The following ERICH6 variants were observed in gnomAD, a reference collection of about 807,000 sequenced individuals.
The protein encoded by ERICH6 is glutamate-rich protein 6.
ERICH6 carries 71 observed loss-of-function variants against 71.0 expected under a neutral mutation model. That is an observed-to-expected ratio of 1.00 (90% confidence interval 0.83 to 1.22). The LOEUF (loss-of-function observed/expected upper bound fraction) is 1.22. Ranked by LOEUF, ERICH6 falls within the 50% of genes most tolerant of loss-of-function variation. ERICH6 has a pLI of 0.00. For missense variants in ERICH6, 808 were observed against 797.2 expected, an observed-to-expected ratio of 1.01 and a Z score of -0.16; for synonymous variants, 262 against 278.4, an observed-to-expected ratio of 0.94 and a Z score of 0.59.
intron 6 of ERICH6, among the ~76,000 whole-genome samples, chr3:150,684,864 G>A (rs1197501137): frequency 6.6e-6 from 1 of 151,560 alleles, no homozygotes; most frequent in Non-Finnish European, 1.5e-5. Flanking sequence ...AAATTATCTA[G>A]GCATAGTGGT....
chr3:150,679,439 C>T (rs1424640915), intron 9 of ERICH6, among the ~76,000 whole-genome samples: 1 of 152,096 alleles, frequency 6.6e-6, no homozygotes, highest in African/African-American at 2.4e-5. Context: ...CATAGCTTAG[C>T]TCCCATCTAA....
chr3:150,667,481 T>C (rs1416018807), intron 12 of ERICH6, among the ~76,000 whole-genome samples: 1 of 152,156 alleles, frequency 6.6e-6, no homozygotes, highest in Non-Finnish European at 1.5e-5. Flanking sequence ...CTAGGAGTCC[T>C]TCCAGGAGTC....
Position 150,703,674 on chromosome 3 carries a change from T to C in ERICH6, c.225A>G (p.Glu75=), listed in dbSNP as rs1713034642. The C allele has an allele frequency of 1.9e-6, 3 of 1,613,020 alleles. No individual in the cohort carries two copies. The change falls in exon 1 of 14, where the codon GAA becomes GAG. Residue 75 remains glutamate, a synonymous_variant. Coordinates refer to ENST00000295910, the MANE Select transcript of ERICH6 (RefSeq NM_152394.5). The stretch of plus-strand genomic sequence containing the variant: ...TGTCCGTGACCTTCCAGAGGTACTC[T>C]TCGCTGAACGTCTCAGGGGCCTCCA... ...QELEAPETFS[E]EYLWKVTDIG... is the part of the protein sequence containing the mutation.
At chr3:150,677,627 G>T (rs1403812735) in intron 10 of ERICH6, among the ~76,000 whole-genome samples, 6 of 151,896 alleles carry the variant, frequency 4.0e-5, no homozygotes, top group African/African-American at 1.5e-4. Context: ...CCCCCAAGTG[G>T]CTGGGACTAC....
intron 12 of ERICH6, 120 bp from the exon 13 acceptor site, chr3:150,667,135 G>T: frequency 1.1e-6 from 1 of 869,804 alleles, no homozygotes; most frequent in Non-Finnish European, 1.8e-6. Context: ...AGCAGGAGTG[G>T]TGGAAACTTC....
rs1159706859 is a variant in ERICH6, at chr3:150,666,862, T to C, written c.1653A>G (p.Leu551=). ...ALNRYIGVRI[L]EQDKISITFL... ...AAGTTATAGAAATCTTGTCTTGTTC[T>C]AAGATGCGGACTCCAATATAACGGT... Residue 551 remains leucine, a synonymous_variant, in exon 13 of 14, where the codon TTA becomes TTG. Transcript: ENST00000295910. The C allele has an allele frequency of 1.9e-6, 3 of 1,614,078 alleles. No homozygotes were observed. Among genetic ancestry groups the C allele is most frequent in the African/African-American group, 2.7e-5 (2 of 74,932 alleles).
chr3:150,696,488 A>T (rs1407844055), intron 3 of ERICH6, among the ~76,000 whole-genome samples: 1 of 152,176 alleles, frequency 6.6e-6, no homozygotes, highest in African/African-American at 2.4e-5. Context: ...AAGCAAATGT[A>T]AAAGACAAAC....
chr3:150,670,926 G>C (rs887817012), intron 11 of ERICH6, among the ~76,000 whole-genome samples: 1 of 152,128 alleles, frequency 6.6e-6, no homozygotes, highest in African/African-American at 2.4e-5. Context: ...GAGGAATAAA[G>C]TCAGGGCATG....
intron 13 of ERICH6, among the ~76,000 whole-genome samples, chr3:150,662,844 G>A (rs1727272934): frequency 6.6e-6 from 1 of 152,024 alleles, no homozygotes; most frequent in African/African-American, 2.4e-5. Context: ...AAGGAAGTGA[G>A]GGAACAGCCA....
chr3:150,661,164 G>C (rs900003861), intron 13 of ERICH6, among the ~76,000 whole-genome samples: 1 of 152,134 alleles, frequency 6.6e-6, no homozygotes, highest in Non-Finnish European at 1.5e-5. Flanking sequence ...AAGCAGATGA[G>C]ACCATATGCA....
chr3:150,689,069 G>T (rs918631707), intron 3 of ERICH6, among the ~76,000 whole-genome samples: 2 of 152,156 alleles, frequency 1.3e-5, no homozygotes, highest in African/African-American at 4.8e-5. Context: ...CTTGGTACTA[G>T]CTTGAGCTAT....
At chr3:150,702,817 A>AG (rs746597542) in intron 1 of ERICH6, among the ~76,000 whole-genome samples, 170 of 116,192 alleles carry the variant, frequency 1.5e-3, no homozygotes, top group East Asian at 6.5e-3. Flanking sequence ...CACAAAAGAG[A>AG]GTTGTTTTTT....
chr3:150,687,811 C>CAGAT (rs1712259815), intron 3 of ERICH6, among the ~76,000 whole-genome samples: 1 of 152,182 alleles, frequency 6.6e-6, no homozygotes, highest in Non-Finnish European at 1.5e-5. Context: ...CTGTTGGAGA[C>CAGAT]AGATAGGCTT....
chr3:150,681,012 G>C (rs1022790068), intron 7 of ERICH6, 82 bp from the exon 8 acceptor site: 3 of 1,400,380 alleles, frequency 2.1e-6, no homozygotes, highest in Non-Finnish European at 1.9e-6. Flanking sequence ...AACAAGGTTT[G>C]GATAACAATC....
At chr3:150,691,716 A>T (rs1270989916) in intron 3 of ERICH6, among the ~76,000 whole-genome samples, 1 of 148,348 alleles carries the variant, frequency 6.7e-6, no homozygotes, top group African/African-American at 2.5e-5. Flanking sequence ...AAAAGCTGAG[A>T]TTATTTTTTT....
At chr3:150,676,870 A>G (rs568707025) in intron 10 of ERICH6, among the ~76,000 whole-genome samples, 1 of 151,940 alleles carries the variant, frequency 6.6e-6, no homozygotes, top group South Asian at 2.1e-4. Flanking sequence ...CTGGAGTGCA[A>G]TGGCGCGATC....
chr3:150,673,829 C>T (rs1359104495), intron 11 of ERICH6, 127 bp downstream of exon 11: 1 of 782,150 alleles, frequency 1.3e-6, no homozygotes, highest in Non-Finnish European at 2.0e-6. Context: ...GATCTGCCCA[C>T]CTCAGCCTCC....
intron 11 of ERICH6, 50 bp from the exon 12 acceptor site, chr3:150,669,501 C>G: frequency 6.3e-7 from 1 of 1,580,874 alleles, no homozygotes; most frequent in Non-Finnish European, 8.6e-7. Context: ...CTTGACTATT[C>G]TGGGAACAAA....
intron 1 of ERICH6, among the ~76,000 whole-genome samples, chr3:150,703,225 A>T (rs906020852): frequency 7.0e-6 from 1 of 142,352 alleles, no homozygotes; most frequent in Non-Finnish European, 1.5e-5. Context: ...ACTCTTGTCT[A>T]AAAAAAAAAA....
Sources: gnomAD v4.1 joint callset for allele counts (sites outside exome capture counted in the v4.1 genomes callset) on GRCh38, gnomAD v4.1.1 for gene constraint, MANE v1.5 for transcripts, NCBI Gene and HGNC (gene_info 2026-07-23, HGNC 2026-07-21) for gene names.